Variants in SIPA1L2 observed in about 807,000 individuals in gnomAD.
The protein encoded by SIPA1L2 is signal-induced proliferation-associated 1-like protein 2.
In SIPA1L2, 56 loss-of-function variants were observed where a neutral mutation model predicts 163.9. That is an observed-to-expected ratio of 0.34 (90% CI 0.28 to 0.43). The LOEUF is 0.43. Among genes scored for constraint, SIPA1L2 ranks in the 20% least tolerant of loss-of-function variants. The pLI is 1.00. For missense variants in SIPA1L2, 1,974 were observed against 2,193.5 expected (o/e 0.90, Z 2.00); for synonymous variants, 877 against 865.7 (o/e 1.01, Z -0.23).
At chr1:232,630,489 T>C (rs564896892), upstream of SIPA1L2, among the ~76,000 whole-genome samples, 576 of 152,244 alleles carry the variant, frequency 3.8e-3, 5 homozygotes, top group African/African-American at 0.013. Context: ...TTCGCCCCTC[T>C]GAGGAATAAG....
chr1:232,581,430 C>A (rs776663779), intron 1 of SIPA1L2, among the ~76,000 whole-genome samples: 6 of 152,058 alleles, frequency 3.9e-5, no homozygotes, highest in Non-Finnish European at 5.9e-5. Context: ...CAGAGCTCAA[C>A]GTAGGGAAGG....
At chr1:232,517,716 G>GA (rs1170235422) in intron 2 of SIPA1L2, among the ~76,000 whole-genome samples, 4 of 152,050 alleles carry the variant, frequency 2.6e-5, no homozygotes, top group African/African-American at 7.2e-5. Context: ...CATATCTTGT[G>GA]AAAAAATGGA....
chr1:232,543,336 G>T (rs1573055443), intron 2 of SIPA1L2, among the ~76,000 whole-genome samples: 3 of 152,226 alleles, frequency 2.0e-5, no homozygotes, highest in African/African-American at 7.2e-5. Context: ...GGTTTGCACT[G>T]CATGGGTCCA....
chr1:232,530,177 C>T (rs774399538), intron 2 of SIPA1L2, among the ~76,000 whole-genome samples: 4 of 151,076 alleles, frequency 2.6e-5, no homozygotes, highest in Non-Finnish European at 4.4e-5. Flanking sequence ...TGCAGTGGCA[C>T]GGTCTTGGCT....
At chr1:232,519,737 T>C (rs549171203) in intron 2 of SIPA1L2, among the ~76,000 whole-genome samples, 1 of 152,266 alleles carries the variant, frequency 6.6e-6, no homozygotes, top group Non-Finnish European at 1.5e-5. Context: ...AACGAAATAT[T>C]AAAAAGATGT....
intron 6 of SIPA1L2, among the ~76,000 whole-genome samples, chr1:232,482,272 A>T (rs1261802295): frequency 2.0e-5 from 3 of 152,190 alleles, no homozygotes; most frequent in Non-Finnish European, 2.9e-5. Context: ...CAGGTGACAC[A>T]GATCAGAAAT....
In SIPA1L2 at chr1:232,538,765, A is replaced by G. The variant is rs577263300; in HGVS notation, c.-269-23157T>C. 2.6e-5 allele frequency among the ~76,000 whole-genome samples: 4 copies of G among 152,128 alleles called. No homozygotes were observed. In the East Asian group the frequency reaches 7.7e-4, roughly 29 times the overall value. On this transcript the variant is annotated intron_variant, in intron 2 of 22. Transcript: ENST00000674635. ...AAACTTTCAATAATTTGATGATCAC[A>G]TGAAGGTACAATTTGAGTAGAGAGC...
At chr1:232,445,971 A>G (rs1225586851) in intron 10 of SIPA1L2, among the ~76,000 whole-genome samples, 185 bp from the exon 11 acceptor site, 2 of 152,130 alleles carry the variant, frequency 1.3e-5, no homozygotes, top group Non-Finnish European at 2.9e-5. Flanking sequence ...TTCCCACACT[A>G]TTCAATTCCT....
At chr1:232,441,512 C>G in intron 13 of SIPA1L2, 118 bp from the exon 14 acceptor site, 1 of 887,946 alleles carries the variant, frequency 1.1e-6, no homozygotes, top group Non-Finnish European at 1.8e-6. Context: ...GGTTCTGGGA[C>G]TTTCTGGTCT....
At chr1:232,589,548 T>G (rs1660858907) in intron 1 of SIPA1L2, among the ~76,000 whole-genome samples, 1 of 152,220 alleles carries the variant, frequency 6.6e-6, no homozygotes, top group Non-Finnish European at 1.5e-5. Context: ...CCCTTTGGAG[T>G]CTGTTGGGGA....
chr1:232,405,891 C>A (rs1013639913), intron 19 of SIPA1L2, among the ~76,000 whole-genome samples: 1 of 152,068 alleles, frequency 6.6e-6, no homozygotes, highest in Non-Finnish European at 1.5e-5. Flanking sequence ...TGATAAAATA[C>A]CCACATATTT....
At chr1:232,425,853 A>T (rs764967431) in intron 17 of SIPA1L2, 45 bp from the exon 18 acceptor site, 24 of 1,536,914 alleles carry the variant, frequency 1.6e-5, no homozygotes, top group Non-Finnish European at 2.1e-5. Context: ...CATTAAAAAA[A>T]CGAATGCACG....
chr1:232,549,001 C>T (rs1010468872), intron 2 of SIPA1L2, among the ~76,000 whole-genome samples: 1 of 152,198 alleles, frequency 6.6e-6, no homozygotes, highest in African/African-American at 2.4e-5. Context: ...GCTTGAATAA[C>T]ACTGAAAAAG....
chr1:232,509,880 G>A (rs907579552), intron 3 of SIPA1L2, among the ~76,000 whole-genome samples: 1 of 152,170 alleles, frequency 6.6e-6, no homozygotes, highest in Non-Finnish European at 1.5e-5. Flanking sequence ...CAGAGCAGCC[G>A]GGGCTCGGCC....
rs1018414050 is a variant in SIPA1L2, at chr1:232,432,540, C to G, written c.4032-69G>C. ...AGCAGTGCTGGCACACGGCCAAATT[C>G]AGAGCCACAAGGCTTTACTCAAGTC... On this transcript the variant is annotated intron_variant, in intron 15 of 22. Transcript: ENST00000674635. The G allele has an allele frequency of 4.0e-5, 58 of 1,459,732 alleles. No homozygotes were observed. In the African/African-American group the frequency reaches 7.9e-4, roughly 20 times the overall value. 90.4% of individuals were successfully genotyped at this position (1,459,732 alleles called of 1,614,324 possible).
intron 1 of SIPA1L2, among the ~76,000 whole-genome samples, chr1:232,605,363 T>C (rs1661847068): frequency 6.6e-6 from 1 of 152,182 alleles, no homozygotes; most frequent in Admixed American, 6.5e-5. Flanking sequence ...AATATCACAG[T>C]GAACAAACCA....
At chr1:232,437,209 A>G (rs966750459) in intron 15 of SIPA1L2, among the ~76,000 whole-genome samples, 15 of 152,172 alleles carry the variant, frequency 9.9e-5, no homozygotes, top group Non-Finnish European at 1.3e-4. Flanking sequence ...ACAAAACTCT[A>G]TTTGTGATGC....
chr1:232,469,585 GT>G (rs1457613064), intron 8 of SIPA1L2, among the ~76,000 whole-genome samples: 1 of 152,138 alleles, frequency 6.6e-6, no homozygotes. Flanking sequence ...TTGAACTGAT[GT>G]TGCATTTGAA....
chr1:232,455,078 A>G (rs1663814981), intron 10 of SIPA1L2, among the ~76,000 whole-genome samples: 1 of 152,150 alleles, frequency 6.6e-6, no homozygotes, highest in South Asian at 2.1e-4. Context: ...CTATAATCCT[A>G]TGTTCTTACT....
Sources: allele counts gnomAD v4.1 joint callset (sites outside exome capture counted in the v4.1 genomes callset), GRCh38; gene constraint gnomAD v4.1.1; transcripts MANE v1.5; gene names NCBI Gene and HGNC (gene_info 2026-07-23, HGNC 2026-07-21).